Variants in FAAH2 observed in about 807,000 individuals in gnomAD.
The protein encoded by FAAH2 is fatty acid amide hydrolase 2, also known as fatty-acid amide hydrolase 2.
In FAAH2, 60 loss-of-function variants were observed where a neutral mutation model predicts 36.9. The observed-to-expected ratio is 1.63, with a 90% confidence interval of 1.32 to 2.02. The LOEUF (loss-of-function observed/expected upper bound fraction) is 2.02, where lower values mean the gene tolerates loss of function less well. FAAH2 is among the 30% of genes most tolerant of loss of function. The probability of loss-of-function intolerance (pLI) is 0.00; values close to 1 mark genes in which losing one functional copy is unlikely to be tolerated. For synonymous variants in FAAH2, 214 were observed against 143.8 expected (o/e 1.49, Z -3.49); for missense variants, 689 against 397.5 (o/e 1.73, Z -6.23).
rs186278309 is a variant in FAAH2 at position 57,480,898 on chromosome X, C to T, written c.1424-7859C>T. ...CAGTCGATCGTAGGTTTGTTATTTT[C>T]ACATAGTCCCATATTTCTTGGAGGC... On this transcript the variant is annotated intron_variant, in intron 10 of 10. Transcript: ENST00000374900. 9.0e-5 allele frequency among the ~76,000 whole-genome samples: 10 copies of T among 110,711 alleles called. No individual in the cohort carries two copies. In the Admixed American group the frequency reaches 9.6e-4, roughly 11 times the overall value.
At chrX:57,148,820 G>A in the FAAH2 span, among the ~76,000 whole-genome samples, 1 of 111,528 alleles carries the variant, frequency 9.0e-6, no homozygotes, top group East Asian at 2.8e-4. Context: ...GTGAGAGAGG[G>A]CATCCCTGTC....
chrX:57,466,832 G>A (rs1311212945), intron 10 of FAAH2, among the ~76,000 whole-genome samples: 3 of 111,512 alleles, frequency 2.7e-5, no homozygotes, highest in Non-Finnish European at 5.6e-5. Flanking sequence ...CATTAAGGGT[G>A]TGAAATAAAT....
At chrX:57,471,639 A>G (rs2057168753) in intron 10 of FAAH2, among the ~76,000 whole-genome samples, 1 of 112,168 alleles carries the variant, frequency 8.9e-6, no homozygotes, top group Non-Finnish European at 1.9e-5. Flanking sequence ...GATAGGAAGA[A>G]TCAATATCGT....
chrX:57,429,376 A>G (rs914097722), intron 7 of FAAH2, among the ~76,000 whole-genome samples: 1 of 110,610 alleles, frequency 9.0e-6, no homozygotes, highest in African/African-American at 3.3e-5. Context: ...AATGTAGGCA[A>G]ATGGCATAAA....
At chrX:57,378,994 C>A (rs2054763405) in intron 6 of FAAH2, among the ~76,000 whole-genome samples, 1 of 111,641 alleles carries the variant, frequency 9.0e-6, no homozygotes. Context: ...TGAGAAAATA[C>A]AAAGAGAGGC....
At chrX:57,252,027 A>T in the FAAH2 span, among the ~76,000 whole-genome samples, 7 of 112,652 alleles carry the variant, frequency 6.2e-5, no homozygotes, top group Non-Finnish European at 1.1e-4. Context: ...TGGTCTTCAC[A>T]ACCAACAGAC....
chrX:57,412,722 C>T (rs915692523), intron 7 of FAAH2, among the ~76,000 whole-genome samples: 1 of 111,637 alleles, frequency 9.0e-6, no homozygotes, highest in Middle Eastern at 4.3e-3. Context: ...AATCTATAAT[C>T]CTTTGGGTAT....
intron 3 of FAAH2, among the ~76,000 whole-genome samples, chrX:57,318,926 A>T (rs1226059527): frequency 8.9e-6 from 1 of 111,925 alleles, no homozygotes; most frequent in Non-Finnish European, 1.9e-5. Flanking sequence ...AAACCACATG[A>T]TTATCTCAAT....
intron 2 of FAAH2, among the ~76,000 whole-genome samples, chrX:57,307,134 A>C: frequency 9.9e-6 from 1 of 101,086 alleles, no homozygotes; most frequent in Non-Finnish European, 2.0e-5. Flanking sequence ...ACAAATAACC[A>C]AATAAGTTTT....
At chrX:57,385,651 G>T (rs758990501) in intron 7 of FAAH2, among the ~76,000 whole-genome samples, 1 of 112,111 alleles carries the variant, frequency 8.9e-6, no homozygotes, top group Non-Finnish European at 1.9e-5. Context: ...TAATGCATTA[G>T]CAACACCTGA....
the FAAH2 span, among the ~76,000 whole-genome samples, chrX:57,239,023 T>G: frequency 8.9e-6 from 1 of 112,497 alleles, no homozygotes; most frequent in Non-Finnish European, 1.9e-5. Flanking sequence ...TGTTTTTCTT[T>G]ATGCCTGCAT....
At chrX:57,254,778 T>G in the FAAH2 span, among the ~76,000 whole-genome samples, 1 of 111,972 alleles carries the variant, frequency 8.9e-6, no homozygotes, top group Non-Finnish European at 1.9e-5. Flanking sequence ...TAAAGCAGTG[T>G]GTAGAGGGAA....
intron 2 of FAAH2, 112 bp from the exon 3 acceptor site, chrX:57,310,481 A>G: frequency 3.5e-6 from 3 of 866,054 alleles, no homozygotes; most frequent in Non-Finnish European, 4.7e-6. Context: ...TGACAAGTAC[A>G]TTAACTTTAA....
At chrX:57,241,320 A>G in the FAAH2 span, among the ~76,000 whole-genome samples, 4 of 112,516 alleles carry the variant, frequency 3.6e-5, 1 homozygote, top group Admixed American at 3.8e-4. Context: ...GCCAAAAGCA[A>G]TTGCAACAAA....
intron 7 of FAAH2, among the ~76,000 whole-genome samples, chrX:57,413,534 T>A (rs986084044): frequency 4.5e-5 from 5 of 111,593 alleles, no homozygotes; most frequent in South Asian, 3.8e-4. Context: ...GTTGTAGATG[T>A]GTGGCGTTAT....
the FAAH2 span, chrX:57,135,754 A>G: frequency 3.4e-6 from 4 of 1,168,092 alleles, no homozygotes; most frequent in Non-Finnish European, 4.6e-6. Context: ...ACTGAAAGGC[A>G]ACATTTTTTG....
the FAAH2 span, among the ~76,000 whole-genome samples, chrX:57,206,869 G>A: frequency 4.5e-5 from 5 of 111,594 alleles, no homozygotes. Flanking sequence ...ACAAAAACTG[G>A]AGAATTTCAA....
At chrX:57,200,900 C>CT in the FAAH2 span, among the ~76,000 whole-genome samples, 22 of 110,535 alleles carry the variant, frequency 2.0e-4, no homozygotes, top group Non-Finnish European at 3.4e-4. Flanking sequence ...CATAAACATT[C>CT]TTTTTTTTCT....
At chrX:57,247,777 C>T in the FAAH2 span, among the ~76,000 whole-genome samples, 1 of 112,091 alleles carries the variant, frequency 8.9e-6, no homozygotes, top group Non-Finnish European at 1.9e-5. Flanking sequence ...CAGATGACCA[C>T]ACCTAGCTGC....
Sources: gnomAD v4.1 joint callset for allele counts (sites outside exome capture counted in the v4.1 genomes callset) on GRCh38, gnomAD v4.1.1 for gene constraint, MANE v1.5 for transcripts, NCBI Gene and HGNC (gene_info 2026-07-23, HGNC 2026-07-21) for gene names.